ERBB4: variants seen among roughly 807,000 people sequenced by gnomAD.
ERBB4 encodes the protein erb-b2 receptor tyrosine kinase 4, also known as receptor tyrosine-protein kinase erbB-4.
In ERBB4, 42 loss-of-function variants were observed where a neutral mutation model predicts 158.0. The observed-to-expected ratio is 0.27, with a 90% CI of 0.21 to 0.34. The LOEUF is 0.34. Ranked by LOEUF, ERBB4 falls within the 10% of genes least tolerant of loss-of-function variation. ERBB4 has a pLI of 1.00. For missense variants in ERBB4, 1,333 were observed against 1,624.1 expected, an observed-to-expected ratio of 0.82 and a Z score of 3.08; for synonymous variants, 583 against 558.7, an observed-to-expected ratio of 1.04 and a Z score of -0.61.
At chr2:212,504,201 G>A (rs766960083) in intron 1 of ERBB4, among the ~76,000 whole-genome samples, 22 of 152,094 alleles carry the variant, frequency 1.4e-4, no homozygotes, top group Non-Finnish European at 2.8e-4. Flanking sequence ...ATATCAGAAG[G>A]TGGTATACAT....
At chr2:212,020,188 T>C (rs1390349081) in intron 2 of ERBB4, among the ~76,000 whole-genome samples, 1 of 151,920 alleles carries the variant, frequency 6.6e-6, no homozygotes, top group Non-Finnish European at 1.5e-5. Flanking sequence ...AGCAAAGGAG[T>C]TCTGATTTAC....
chr2:211,421,550 TAAAAC>T (rs994282676), intron 24 of ERBB4, among the ~76,000 whole-genome samples: 1 of 151,878 alleles, frequency 6.6e-6, no homozygotes. Flanking sequence ...TCTCTCCAAA[TAAAAC>T]AAAACATATT....
chr2:211,865,131 A>G (rs1445247776), intron 3 of ERBB4, among the ~76,000 whole-genome samples: 2 of 152,020 alleles, frequency 1.3e-5, no homozygotes, highest in African/African-American at 4.8e-5. Context: ...AAAAGTCTCT[A>G]GATCTTCCAA....
At chr2:212,255,749 C>T (rs1189402223) in intron 1 of ERBB4, among the ~76,000 whole-genome samples, 10 of 152,064 alleles carry the variant, frequency 6.6e-5, no homozygotes, top group African/African-American at 9.7e-5. Flanking sequence ...AATTTTTGGA[C>T]GTGGGATGCT....
intron 19 of ERBB4, among the ~76,000 whole-genome samples, chr2:211,582,827 G>A (rs894873947): frequency 6.6e-6 from 1 of 152,070 alleles, no homozygotes; most frequent in Admixed American, 6.6e-5. Context: ...TATTAAAAAT[G>A]TAGCATGAAG....
At chr2:212,514,009 A>G (rs1442898718) in intron 1 of ERBB4, among the ~76,000 whole-genome samples, 2 of 152,142 alleles carry the variant, frequency 1.3e-5, no homozygotes, top group Non-Finnish European at 2.9e-5. Context: ...AGTGGTCTTA[A>G]ATAGCTCCAA....
intron 25 of ERBB4, among the ~76,000 whole-genome samples, chr2:211,397,951 T>C (rs1559128092): frequency 6.6e-6 from 1 of 152,212 alleles, no homozygotes; most frequent in Admixed American, 6.5e-5. Flanking sequence ...TAGTAGATTA[T>C]GATGGAATTA....
At chr2:211,912,312 C>A (rs181215593) in intron 3 of ERBB4, among the ~76,000 whole-genome samples, 3 of 151,930 alleles carry the variant, frequency 2.0e-5, no homozygotes, top group Non-Finnish European at 4.4e-5. Context: ...TTGCACAATT[C>A]AGCTTCATGG....
At chr2:212,027,175 C>A (rs760279563) in intron 2 of ERBB4, among the ~76,000 whole-genome samples, 85 of 151,856 alleles carry the variant, frequency 5.6e-4, no homozygotes, top group Non-Finnish European at 1.0e-3. Flanking sequence ...CATGTAAAAA[C>A]CAAGCTGAGG....
At chr2:211,888,575 T>C (rs2078866972) in intron 3 of ERBB4, among the ~76,000 whole-genome samples, 1 of 152,146 alleles carries the variant, frequency 6.6e-6, no homozygotes, top group South Asian at 2.1e-4. Flanking sequence ...ACAGCTCCGG[T>C]CTACAGCTCC....
At chr2:212,398,405 G>C (rs2091093034) in intron 1 of ERBB4, among the ~76,000 whole-genome samples, 1 of 152,038 alleles carries the variant, frequency 6.6e-6, no homozygotes, top group Non-Finnish European at 1.5e-5. Flanking sequence ...GTCACTTAAA[G>C]ATTTCCACAC....
chr2:212,029,243 TA>T (rs1361999741), intron 2 of ERBB4, among the ~76,000 whole-genome samples: 1 of 152,116 alleles, frequency 6.6e-6, no homozygotes, highest in Non-Finnish European at 1.5e-5. Context: ...CACAGAGCTG[TA>T]ATACTGCCAG....
At chr2:211,452,658 A>G (rs1175698994) in intron 20 of ERBB4, among the ~76,000 whole-genome samples, 1 of 152,174 alleles carries the variant, frequency 6.6e-6, no homozygotes, top group Non-Finnish European at 1.5e-5. Flanking sequence ...CTATATTGAT[A>G]TTGGCCAAAA....
At position 211,558,766 on chromosome 2, in the gene ERBB4, G is replaced by GA. The variant is rs201240339; in HGVS notation, c.2487+3136dup. On this transcript the variant is annotated intron_variant, in intron 20 of 27. Coordinates refer to ENST00000342788, the MANE Select transcript of ERBB4 (RefSeq NM_005235.3). ...ACTACACAATTCTGCTCCCGAAGTAGAAAAAAAAAATAAAGGAAGGACTCC... is the reference window on the plus strand; with the variant it reads ...ACTACACAATTCTGCTCCCGAAGTAGAAAAAAAAAAATAAAGGAAGGACTCC... Among the ~76,000 whole-genome samples the GA allele has an allele frequency of 9.1e-3, 1,340 of 146,930 alleles. 14 individuals are homozygous for GA. The highest frequency in any genetic ancestry group is 0.041 in the East Asian group (207 of 5,064).
intron 20 of ERBB4, among the ~76,000 whole-genome samples, chr2:211,524,678 G>C (rs1313458750): frequency 6.0e-5 from 9 of 151,192 alleles, no homozygotes; most frequent in Admixed American, 2.0e-4. Context: ...CGAGTGCGGG[G>C]CCGCCAAGCC....
At chr2:212,518,913 G>A (rs73989031) in intron 1 of ERBB4, among the ~76,000 whole-genome samples, 3,641 of 152,034 alleles carry the variant, frequency 0.024, 150 homozygotes, top group African/African-American at 0.083. Flanking sequence ...TAATCCTAGA[G>A]AAGATTTTTT....
At chr2:212,200,604 C>T (rs10497963) in intron 1 of ERBB4, among the ~76,000 whole-genome samples, 84,315 of 152,014 alleles carry the variant, frequency 0.55, 25,555 homozygotes, top group African/African-American at 0.79. Flanking sequence ...TGTTTCACCA[C>T]GTAAATATAA....
intron 3 of ERBB4, among the ~76,000 whole-genome samples, chr2:211,899,948 A>C (rs956113410): frequency 6.6e-6 from 1 of 152,176 alleles, no homozygotes; most frequent in African/African-American, 2.4e-5. Flanking sequence ...AACCAAACTT[A>C]TAAACTCAGT....
intron 1 of ERBB4, among the ~76,000 whole-genome samples, chr2:212,186,104 A>C (rs1303565262): frequency 6.6e-6 from 1 of 152,148 alleles, no homozygotes; most frequent in Non-Finnish European, 1.5e-5. Flanking sequence ...AAGTAAAATA[A>C]ATTTGTATCT....
Sources: gnomAD v4.1 joint callset for allele counts (sites outside exome capture counted in the v4.1 genomes callset) on GRCh38, gnomAD v4.1.1 for gene constraint, MANE v1.5 for transcripts, NCBI Gene and HGNC (gene_info 2026-07-23, HGNC 2026-07-21) for gene names.